Variants in CCDC88A observed in about 807,000 individuals in gnomAD.
The protein encoded by CCDC88A is girdin.
Under a neutral mutation model 234.3 loss-of-function variants are expected in CCDC88A, and 54 were observed. The observed-to-expected ratio is 0.23, with a 90% CI of 0.19 to 0.29. The LOEUF (loss-of-function observed/expected upper bound fraction) is 0.29. CCDC88A is among the 10% of genes least tolerant of loss of function. CCDC88A has a pLI of 1.00. For missense variants in CCDC88A, 1,832 were observed against 2,123.4 expected, an observed-to-expected ratio of 0.86 and a Z score of 2.70; for synonymous variants, 753 against 737.8, an observed-to-expected ratio of 1.02 and a Z score of -0.33.
intron 6 of CCDC88A, 96 bp from the exon 7 acceptor site, chr2:55,362,544 C>A (rs549753230): frequency 8.3e-6 from 8 of 964,230 alleles, no homozygotes; most frequent in East Asian, 6.3e-5. Flanking sequence ...TATTATATAA[C>A]CCATATAAAA....
chr2:55,383,011 G>A (rs1248202805), intron 3 of CCDC88A, among the ~76,000 whole-genome samples: 6 of 151,674 alleles, frequency 4.0e-5, no homozygotes, highest in East Asian at 1.9e-4. Context: ...AAACGGGAGA[G>A]GGAAAATGTG....
In CCDC88A at chr2:55,373,646, T is replaced by G. The variant is rs192636454; in HGVS notation, c.344-1136A>C. Among the ~76,000 whole-genome samples the G allele has an allele frequency of 4.1e-3, 632 of 152,308 alleles. 4 individuals carry two copies. The highest frequency in any genetic ancestry group is 0.017 in the Middle Eastern group (5 of 294). On this transcript the variant is annotated intron_variant, in intron 4 of 32. Coordinates refer to ENST00000436346, the MANE Select transcript of CCDC88A (RefSeq NM_001365480.1). Reference sequence around the variant, plus strand: ...TCCACTCCTGGTCCCAGTAACTTGGTAGGTACTTACCAAATGTATGTACGA... The same window carrying G: ...TCCACTCCTGGTCCCAGTAACTTGGGAGGTACTTACCAAATGTATGTACGA...
chr2:55,335,468 A>C lies in CCDC88A; in HGVS notation c.1657-304T>G, dbSNP rs1162855146. Among the ~76,000 whole-genome samples the C allele has an allele frequency of 6.6e-6, 1 of 152,198 alleles. No individual in the cohort carries two copies. The highest frequency in any genetic ancestry group is 6.5e-5 in the Admixed American group (1 of 15,282). ...TCATAATGGTCTTCAGATTATTTAC[A>C]GTTACATGCTTCAAATTCAAATAGG... is the stretch of plus-strand genomic sequence containing the variant. On this transcript the variant is annotated intron_variant, in intron 14 of 32. Transcript: ENST00000436346. The surrounding 1 kb of genome is among the most constrained non-coding windows in gnomAD (Gnocchi z 4.5).
chr2:55,299,340 T>C (rs1680608023), intron 29 of CCDC88A, among the ~76,000 whole-genome samples: 1 of 152,232 alleles, frequency 6.6e-6, no homozygotes, highest in South Asian at 2.1e-4. Context: ...AAAAAAAATC[T>C]TGAAATAATT....
At chr2:55,365,658 T>C (rs1222803966) in intron 5 of CCDC88A, among the ~76,000 whole-genome samples, 1 of 152,212 alleles carries the variant, frequency 6.6e-6, no homozygotes, top group African/African-American at 2.4e-5. Context: ...CGATTTCTAC[T>C]AAATCTCACA....
At chr2:55,360,932 T>C (rs548661368) in intron 7 of CCDC88A, among the ~76,000 whole-genome samples, 6 of 151,934 alleles carry the variant, frequency 3.9e-5, no homozygotes, top group African/African-American at 4.8e-5. Context: ...CTACTGAAAA[T>C]ACAAAAATTA....
At position 55,287,924 on chromosome 2, in the gene CCDC88A, G is replaced by A. The variant is rs1385805910; in HGVS notation, c.*3276C>T. ...TGTTAGTCCAACTTAATTTTTGAAG[G>A]AGAAACAAAATGAAAAATGTTTTTT... On this transcript the variant is annotated 3_prime_UTR_variant, in exon 33 of 33. Coordinates refer to ENST00000436346, the MANE Select transcript of CCDC88A (RefSeq NM_001365480.1). 2 of 152,448 alleles carry A rather than the reference G, an allele frequency of 1.3e-5. No individual in the cohort carries two copies. Among genetic ancestry groups the A allele is most frequent in the Non-Finnish European group, 2.9e-5 (2 of 68,002 alleles). The allele number at this position is 152,448 out of a possible 1,614,324, so 9.4% of individuals were successfully genotyped here.
At chr2:55,362,746 T>C (rs1281862605) in intron 6 of CCDC88A, among the ~76,000 whole-genome samples, 1 of 152,044 alleles carries the variant, frequency 6.6e-6, no homozygotes, top group Non-Finnish European at 1.5e-5. Context: ...TGATGACTTC[T>C]TTAACAAAAT....
intron 7 of CCDC88A, among the ~76,000 whole-genome samples, chr2:55,358,657 T>C (rs968438778): frequency 6.6e-6 from 1 of 152,106 alleles, no homozygotes; most frequent in Admixed American, 6.6e-5. Flanking sequence ...ATTAACTCCT[T>C]TATTCTTATG....
chr2:55,294,283 C>T, intron 31 of CCDC88A: 1 of 973,902 alleles, frequency 1.0e-6, no homozygotes, highest in Non-Finnish European at 1.2e-6. Context: ...AAGACAGTTA[C>T]TTGAGCTCTT....
chr2:55,417,506 T>G (rs922521574), intron 2 of CCDC88A: 35 of 152,108 alleles, frequency 2.3e-4, no homozygotes, highest in African/African-American at 8.2e-4. Flanking sequence ...AAAAATACAT[T>G]TACTAACCCT....
chr2:55,401,499 CATATATATATATATATATATAT>C (rs70954117), intron 2 of CCDC88A, among the ~76,000 whole-genome samples: 11,482 of 47,802 alleles, frequency 0.24, 2,031 homozygotes, highest in Admixed American at 0.36. Flanking sequence ...TGTGTGTATA[CATATATATATATATATATATAT>C]ATATATATAT....
intron 25 of CCDC88A, among the ~76,000 whole-genome samples, chr2:55,305,795 A>C (rs1681477227): frequency 6.6e-6 from 1 of 152,198 alleles, no homozygotes; most frequent in South Asian, 2.1e-4. Flanking sequence ...CAGAAGTTCA[A>C]GACTGCGGTG....
At chr2:55,355,488 A>T in intron 8 of CCDC88A, 91 bp downstream of exon 8, 15 of 1,092,036 alleles carry the variant, frequency 1.4e-5, no homozygotes, top group Non-Finnish European at 2.0e-5. Context: ...CACTGACACA[A>T]GCTAGCAATA....
intron 29 of CCDC88A, among the ~76,000 whole-genome samples, chr2:55,297,839 C>T (rs1680378334): frequency 6.6e-6 from 1 of 152,104 alleles, no homozygotes; most frequent in Admixed American, 6.5e-5. Flanking sequence ...TCTGTTCATC[C>T]TGCATGGATA....
chr2:55,411,854 A>G (rs144862934), intron 2 of CCDC88A, among the ~76,000 whole-genome samples: 17 of 151,818 alleles, frequency 1.1e-4, no homozygotes, highest in Admixed American at 4.6e-4. Flanking sequence ...AAAGCACTGT[A>G]TATTCTAATA....
At chr2:55,344,060 T>A (rs1216541739) in intron 11 of CCDC88A, 3 of 367,890 alleles carry the variant, frequency 8.2e-6, no homozygotes, top group Non-Finnish European at 1.4e-5. Flanking sequence ...ACAAAAGAAT[T>A]ATGAACCAAT....
intron 3 of CCDC88A, among the ~76,000 whole-genome samples, chr2:55,377,837 A>T (rs1276651745): frequency 6.6e-6 from 1 of 151,604 alleles, no homozygotes; most frequent in Non-Finnish European, 1.5e-5. Flanking sequence ...CTAACTCCTG[A>T]CATCGTGATC....
intron 2 of CCDC88A, chr2:55,397,315 G>C (rs146547995): frequency 6.6e-6 from 1 of 152,052 alleles, no homozygotes; most frequent in East Asian, 1.9e-4. Flanking sequence ...GGCTGGTCTC[G>C]AACTCCTGGC....
Sources: gnomAD v4.1 joint callset for allele counts (sites outside exome capture counted in the v4.1 genomes callset) on GRCh38, gnomAD v4.1.1 for gene constraint, Gnocchi (gnomAD v3.1) non-coding constraint, MANE v1.5 for transcripts, NCBI Gene and HGNC (gene_info 2026-07-23, HGNC 2026-07-21) for gene names.